The following RALGPS1 variants were observed in gnomAD, a reference collection of about 807,000 sequenced individuals.
The protein encoded by RALGPS1 is ras-specific guanine nucleotide-releasing factor RalGPS1.
RALGPS1 carries 19 observed loss-of-function variants against 78.8 expected under a neutral mutation model. The observed-to-expected ratio is 0.24, with a 90% CI of 0.17 to 0.35. RALGPS1 has a LOEUF of 0.35. Among genes scored for constraint, RALGPS1 ranks in the 10% least tolerant of loss-of-function variants. The pLI, the probability that RALGPS1 is intolerant of heterozygous loss-of-function variation, is 1.00. For missense variants in RALGPS1, 454 were observed against 688.3 expected, an observed-to-expected ratio of 0.66 and a Z score of 3.81; for synonymous variants, 228 against 256.3, an observed-to-expected ratio of 0.89 and a Z score of 1.06.
chr9:127,081,812 C>T (rs1012560748), intron 8 of RALGPS1, among the ~76,000 whole-genome samples: 19 of 152,172 alleles, frequency 1.2e-4, no homozygotes, highest in African/African-American at 4.6e-4. Context: ...ATATCATGAC[C>T]ATCAGCAAGC....
At chr9:127,034,573 G>A in intron 5 of RALGPS1, 59 bp downstream of exon 5, 1 of 1,490,270 alleles carries the variant, frequency 6.7e-7, no homozygotes, top group East Asian at 2.3e-5. Flanking sequence ...GTCCCCTGTA[G>A]GCTGCGAGCC....
chr9:127,214,964 C>T (rs1330128636), intron 18 of RALGPS1, 122 bp downstream of exon 18: 3 of 1,482,384 alleles, frequency 2.0e-6, no homozygotes, highest in Middle Eastern at 1.9e-4. Flanking sequence ...TCTCAGATAC[C>T]CTCTTCTGAT....
At chr9:127,164,842 A>G (rs919192008) in intron 8 of RALGPS1, among the ~76,000 whole-genome samples, 2 of 152,140 alleles carry the variant, frequency 1.3e-5, no homozygotes, top group African/African-American at 2.4e-5. Flanking sequence ...GCTCTGCCCT[A>G]AAACTTGTTA....
Position 127,212,174 on chromosome 9 carries a change from G to A in RALGPS1, c.1291G>A (p.Val431Met), listed in dbSNP as rs1564805537. The change falls in exon 15 of 19, where the codon GTG becomes ATG. Residue 431 changes from valine to methionine, a missense_variant. Physicochemically the swap from Val to Met is conservative, Grantham distance 21. Coordinates refer to ENST00000259351, the MANE Select transcript of RALGPS1 (RefSeq NM_014636.3). The surrounding 1 kb of genome is among the most constrained non-coding windows in gnomAD (Gnocchi z 6.0). ...CTGTTCTCTGGGGAACTCCGCAGCT[G>A]TGCCCACCATGGAGGGGCCTCTGAG... is the stretch of plus-strand genomic sequence containing the variant. Reference protein sequence around the residue: ...CICSLGNSAAVPTMEGPLRRK... With the variant: ...CICSLGNSAAMPTMEGPLRRK... 5 of 1,613,792 alleles carry A rather than the reference G, an allele frequency of 3.1e-6. No homozygotes were observed. The highest frequency in any genetic ancestry group is 1.7e-5 in the Admixed American group (1 of 59,996).
chr9:127,047,928 C>G (rs1006381886), intron 5 of RALGPS1, among the ~76,000 whole-genome samples: 20 of 152,142 alleles, frequency 1.3e-4, no homozygotes, highest in Non-Finnish European at 7.4e-5. Flanking sequence ...TATGCTGATT[C>G]TACCTTTGTA....
At chr9:127,120,027 C>T (rs1219645018) in intron 8 of RALGPS1, among the ~76,000 whole-genome samples, 3 of 152,224 alleles carry the variant, frequency 2.0e-5, no homozygotes, top group African/African-American at 7.2e-5. Context: ...GGCCACAGCA[C>T]AGAAGCTCCT....
intron 14 of RALGPS1, among the ~76,000 whole-genome samples, chr9:127,201,047 A>G (rs1425203300): frequency 3.3e-5 from 5 of 152,230 alleles, no homozygotes; most frequent in Non-Finnish European, 7.3e-5. Flanking sequence ...CTAAGTACTC[A>G]TGACTGAGAT....
chr9:127,088,614 T>G, intron 8 of RALGPS1: 2 of 381,984 alleles, frequency 5.2e-6, no homozygotes, highest in South Asian at 5.9e-5. Flanking sequence ...CAAGGGAGGC[T>G]CATACACATG....
chr9:126,963,073 T>A (rs551227143), intron 2 of RALGPS1, among the ~76,000 whole-genome samples: 406 of 152,354 alleles, frequency 2.7e-3, no homozygotes, highest in African/African-American at 9.2e-3. Context: ...TCTCTGGTCC[T>A]GAAATCGGGA....
intron 4 of RALGPS1, among the ~76,000 whole-genome samples, chr9:126,981,920 A>G (rs1446814217): frequency 1.3e-5 from 2 of 152,106 alleles, no homozygotes; most frequent in African/African-American, 4.8e-5. Context: ...GTTGGCTGGG[A>G]CTGTAGTCAT....
chr9:127,161,820 T>A (rs2059036708), intron 8 of RALGPS1, among the ~76,000 whole-genome samples: 1 of 152,072 alleles, frequency 6.6e-6, no homozygotes, highest in Admixed American at 6.5e-5. Flanking sequence ...AGACCTGTGC[T>A]CAAATCCTGC....
intron 7 of RALGPS1, among the ~76,000 whole-genome samples, chr9:127,055,544 T>G (rs897020580): frequency 1.3e-5 from 2 of 152,182 alleles, no homozygotes; most frequent in African/African-American, 4.8e-5. Flanking sequence ...ATATTAACCA[T>G]TTTGTTCTGA....
At chr9:126,990,607 C>T (rs1029081612) in intron 4 of RALGPS1, among the ~76,000 whole-genome samples, 2 of 152,380 alleles carry the variant, frequency 1.3e-5, no homozygotes, top group African/African-American at 4.8e-5. Flanking sequence ...TGCCCTCTGC[C>T]GGGAATGCTC....
intron 11 of RALGPS1, chr9:127,177,856 A>G (rs1478118357): frequency 6.5e-7 from 1 of 1,547,968 alleles, no homozygotes; most frequent in African/African-American, 1.4e-5. Context: ...CTCCTTTCCC[A>G]CAATCCACCC....
intron 2 of RALGPS1, among the ~76,000 whole-genome samples, 157 bp downstream of exon 2, chr9:126,962,503 G>T (rs1006016586): frequency 5.3e-5 from 8 of 152,232 alleles, no homozygotes; most frequent in African/African-American, 1.9e-4. Context: ...CGTGAGATTT[G>T]GGAGGCAGTC....
At chr9:127,103,202 T>C (rs2053903182) in intron 8 of RALGPS1, among the ~76,000 whole-genome samples, 1 of 152,212 alleles carries the variant, frequency 6.6e-6, no homozygotes, top group Admixed American at 6.5e-5. Context: ...GGAACCACAA[T>C]CGTGTACGTA....
At chr9:126,992,688 A>G (rs901804469) in intron 4 of RALGPS1, among the ~76,000 whole-genome samples, 2 of 152,244 alleles carry the variant, frequency 1.3e-5, no homozygotes, top group African/African-American at 4.8e-5. Flanking sequence ...ATAACACAGT[A>G]TATCACCTCA....
chr9:127,221,405 A>G lies in RALGPS1; in HGVS notation c.*2636A>G, dbSNP rs2062770653. On this transcript the variant is annotated 3_prime_UTR_variant, in exon 19 of 19. Transcript: ENST00000259351. The stretch of plus-strand genomic sequence containing the variant: ...AATGGATCATGGCACCCCAAAATGA[A>G]AGTTATAGAAAGCTGTCTACAACTG... The G allele has an allele frequency of 6.6e-6, 1 of 152,208 alleles. No individual in the cohort carries two copies. The highest frequency in any genetic ancestry group is 2.4e-5 in the African/African-American group (1 of 41,446). The allele number at this position is 152,208 out of a possible 1,614,324, so 9.4% of individuals were successfully genotyped here. A position where few individuals can be genotyped will look rare whatever the true frequency, so the allele number is the denominator to read the frequency against.
At chr9:127,101,789 T>A (rs752868338) in intron 8 of RALGPS1, among the ~76,000 whole-genome samples, 3 of 152,190 alleles carry the variant, frequency 2.0e-5, no homozygotes, top group Admixed American at 6.5e-5. Context: ...GATACTTAAT[T>A]TCAACATTTA....
Sources: allele counts gnomAD v4.1 joint callset (sites outside exome capture counted in the v4.1 genomes callset), GRCh38; gene constraint gnomAD v4.1.1; non-coding constraint Gnocchi (gnomAD v3.1); transcripts MANE v1.5; gene names NCBI Gene and HGNC (gene_info 2026-07-23, HGNC 2026-07-21).